The following ADAM12 variants were observed in gnomAD, a reference collection of about 807,000 sequenced individuals.
ADAM12 encodes the protein ADAM metallopeptidase domain 12.
A neutral mutation model predicts 106.4 loss-of-function variants in ADAM12; 70 were observed. The ratio of observed to expected loss-of-function variants is 0.66; its 90% CI spans 0.54 to 0.80. The LOEUF is 0.80. ADAM12 is among the 30% of genes least tolerant of loss of function. The pLI is 0.00. For missense variants in ADAM12, 1,010 were observed against 1,171.9 expected (o/e 0.86, Z 2.02); for synonymous variants, 420 against 433.5 (o/e 0.97, Z 0.39).
At chr10:126,287,790 T>G (rs1400276294) in intron 2 of ADAM12, among the ~76,000 whole-genome samples, 2 of 152,074 alleles carry the variant, frequency 1.3e-5, no homozygotes, top group Non-Finnish European at 2.9e-5. Context: ...TCACACACCC[T>G]GTTCTGTCTC....
rs1955970802 is a variant in ADAM12, at chr10:126,115,801, A to G, written c.603+2237T>C. On this transcript the variant is annotated intron_variant, in intron 6 of 22. Transcript: ENST00000448723. ...ATAAAGGCAGCATAAGTGGGGCAGG[A>G]AATGTCCCTTTCATATTTACCGTAG... 2.6e-5 allele frequency among the ~76,000 whole-genome samples: 4 copies of G among 152,334 alleles called. No individual in the cohort carries two copies. The South Asian group carries it at 8.3e-4, about 32-fold the overall frequency.
At chr10:126,187,334 A>AAAC (rs1554983522) in intron 3 of ADAM12, among the ~76,000 whole-genome samples, 1 of 151,868 alleles carries the variant, frequency 6.6e-6, no homozygotes, top group Admixed American at 6.5e-5. Flanking sequence ...AATAAAAAAA[A>AAAC]AACAAATTTA....
chr10:126,257,638 T>C (rs1334958378), intron 3 of ADAM12, among the ~76,000 whole-genome samples: 2 of 152,148 alleles, frequency 1.3e-5, no homozygotes, highest in Non-Finnish European at 2.9e-5. Flanking sequence ...GCATAAAAAT[T>C]TACATCGCAG....
intron 14 of ADAM12, among the ~76,000 whole-genome samples, chr10:126,050,883 A>T (rs1954464245): frequency 1.3e-5 from 2 of 152,086 alleles, no homozygotes; most frequent in African/African-American, 4.8e-5. Context: ...TTTATAAGCC[A>T]TGTTAGAGAA....
At chr10:126,041,324 G>A (rs1200773859) in intron 18 of ADAM12, 18 of 985,754 alleles carry the variant, frequency 1.8e-5, no homozygotes, top group Non-Finnish European at 2.2e-5. Context: ...ATATATGTAT[G>A]AACAGGGTGG....
intron 6 of ADAM12, among the ~76,000 whole-genome samples, chr10:126,115,295 T>C (rs565724174): frequency 4.0e-4 from 61 of 152,352 alleles, no homozygotes; most frequent in Non-Finnish European, 7.3e-4. Context: ...AGATTTACCA[T>C]CTTTGCCTTG....
chr10:126,213,603 T>C (rs1048324288), intron 3 of ADAM12, among the ~76,000 whole-genome samples: 20 of 152,202 alleles, frequency 1.3e-4, no homozygotes, highest in African/African-American at 4.8e-4. Flanking sequence ...AGAACAATTT[T>C]GGGGTATAAA....
intron 3 of ADAM12, among the ~76,000 whole-genome samples, chr10:126,277,804 A>C (rs1342700319): frequency 6.6e-6 from 1 of 152,156 alleles, no homozygotes; most frequent in Non-Finnish European, 1.5e-5. Context: ...AACACAAAAG[A>C]GGCAGGTTGC....
intron 4 of ADAM12, among the ~76,000 whole-genome samples, chr10:126,144,480 T>TTGAATGAA (rs142558354): frequency 6.6e-5 from 10 of 152,008 alleles, no homozygotes; most frequent in Non-Finnish European, 1.3e-4. Flanking sequence ...TGTATTTTTG[T>TTGAATGAA]TGAACGAATG....
chr10:126,334,182 A>C (rs1205173147), intron 1 of ADAM12, among the ~76,000 whole-genome samples: 1 of 152,236 alleles, frequency 6.6e-6, no homozygotes, highest in Non-Finnish European at 1.5e-5. Context: ...GAGTGATCTT[A>C]TTGATAAATT....
chr10:126,083,368 GTC>G (rs1955268875), intron 11 of ADAM12, among the ~76,000 whole-genome samples: 1 of 152,192 alleles, frequency 6.6e-6, no homozygotes, highest in Non-Finnish European at 1.5e-5. Flanking sequence ...CAACCACACC[GTC>G]TCGAGGGCTA....
At chr10:126,084,516 T>C (rs1955298113) in intron 11 of ADAM12, among the ~76,000 whole-genome samples, 1 of 152,220 alleles carries the variant, frequency 6.6e-6, no homozygotes, top group Non-Finnish European at 1.5e-5. Context: ...CCACCCTTTC[T>C]TCCTAGCCCA....
chr10:126,257,404 C>G (rs1958914325), intron 3 of ADAM12, among the ~76,000 whole-genome samples: 1 of 152,188 alleles, frequency 6.6e-6, no homozygotes, highest in South Asian at 2.1e-4. Flanking sequence ...AGGAATTGCA[C>G]TGAGTTTAGC....
intron 21 of ADAM12, among the ~76,000 whole-genome samples, chr10:126,022,490 G>A (rs1953786675): frequency 6.6e-6 from 1 of 152,156 alleles, no homozygotes. Flanking sequence ...GAACAGTGGG[G>A]GTTAGTCCAA....
At chr10:126,327,557 G>A (rs1041259067) in intron 2 of ADAM12, among the ~76,000 whole-genome samples, 1 of 151,924 alleles carries the variant, frequency 6.6e-6, no homozygotes. Context: ...AGGAGTTTGA[G>A]ACCAGCTTAG....
chr10:126,155,310 G>A lies in ADAM12; in HGVS notation c.261-5C>T, dbSNP rs200512312. The stretch of plus-strand genomic sequence containing the variant: ...AAACTGCTGGCAATGAGACCTCTGC[G>A]GAAAAACAAAAACACCATAAAAAGA... On this transcript the variant is annotated splice_polypyrimidine_tract_variant and splice_region_variant and intron_variant, in intron 3 of 22. Coordinates refer to ENST00000448723, the MANE Select transcript of ADAM12 (RefSeq NM_001288973.2). 220 of 1,612,806 alleles carry A rather than the reference G, an allele frequency of 1.4e-4. 2 individuals carry two copies. Among genetic ancestry groups the A allele is most frequent in the South Asian group, 6.7e-4 (61 of 91,008 alleles).
At chr10:126,240,427 A>T (rs1044181617) in intron 3 of ADAM12, among the ~76,000 whole-genome samples, 2 of 152,268 alleles carry the variant, frequency 1.3e-5, no homozygotes, top group Non-Finnish European at 1.5e-5. Context: ...TGTCAATGGC[A>T]TTAAGCATAG....
At chr10:126,321,783 G>A (rs551563149) in intron 2 of ADAM12, among the ~76,000 whole-genome samples, 1 of 152,006 alleles carries the variant, frequency 6.6e-6, no homozygotes, top group Non-Finnish European at 1.5e-5. Flanking sequence ...GATGCCCAGG[G>A]GAAAGAAAGT....
chr10:126,332,073 TGCA>T (rs1177633664), intron 1 of ADAM12, among the ~76,000 whole-genome samples: 5 of 151,914 alleles, frequency 3.3e-5, no homozygotes, highest in African/African-American at 9.7e-5. Context: ...AGACGCACCC[TGCA>T]GCAGCACCAG....
Sources: allele counts gnomAD v4.1 joint callset (sites outside exome capture counted in the v4.1 genomes callset), GRCh38; gene constraint gnomAD v4.1.1; transcripts MANE v1.5; gene names NCBI Gene and HGNC (gene_info 2026-07-23, HGNC 2026-07-21).